Variants in TMC5 observed in about 807,000 individuals in gnomAD.
TMC5 encodes transmembrane channel like 5.
Under a neutral mutation model 110.5 loss-of-function variants are expected in TMC5, and 86 were observed. That is an observed-to-expected ratio of 0.78 (90% CI 0.65 to 0.93). TMC5 has a LOEUF of 0.93. Among genes scored for constraint, TMC5 ranks in the 40% least tolerant of loss-of-function variants. TMC5 has a pLI of 0.00. For missense variants in TMC5, 1,144 were observed against 1,222.8 expected, an observed-to-expected ratio of 0.94 and a Z score of 0.96; for synonymous variants, 455 against 439.5, an observed-to-expected ratio of 1.04 and a Z score of -0.44.
chr16:19,430,126 G>C (rs1967167184), intron 1 of TMC5, among the ~76,000 whole-genome samples: 1 of 152,216 alleles, frequency 6.6e-6, no homozygotes, highest in Non-Finnish European at 1.5e-5. Flanking sequence ...GAGGACACTG[G>C]AAAATTGGAT....
At chr16:19,447,754 A>G (rs1967646085) in intron 4 of TMC5, among the ~76,000 whole-genome samples, 1 of 151,970 alleles carries the variant, frequency 6.6e-6, no homozygotes, top group African/African-American at 2.4e-5. Context: ...GGGTTATGCC[A>G]TGTTGCCCAA....
intron 10 of TMC5, 71 bp downstream of exon 10, chr16:19,469,896 TTC>T (rs370575200): frequency 5.9e-6 from 9 of 1,519,988 alleles, no homozygotes; most frequent in Non-Finnish European, 6.2e-6. Flanking sequence ...CCTGTAACTT[TTC>T]TTTTTTTTTT....
chr16:19,468,705 G>A lies in TMC5; in HGVS notation c.1638-976G>A, dbSNP rs553499039. Among the ~76,000 whole-genome samples the A allele has an allele frequency of 3.9e-5, 6 of 152,316 alleles. No homozygotes were observed. The South Asian group carries it at 1.2e-3, about 32-fold the overall frequency. On this transcript the variant is annotated intron_variant, in intron 9 of 21. Transcript: ENST00000542583. The stretch of plus-strand genomic sequence containing the variant: ...TACCCTGCTGGCTTTGAAGTTGGAG[G>A]AGGTGGCCACAAGCCAAGGAAAGAG...
chr16:19,416,860 G>A (rs1189654956), upstream of TMC5, among the ~76,000 whole-genome samples: 2 of 152,130 alleles, frequency 1.3e-5, no homozygotes, highest in African/African-American at 2.4e-5. Flanking sequence ...TTGGCAGGCC[G>A]AGACAGGTGG....
chr16:19,464,442 C>A (rs974979796), intron 8 of TMC5, among the ~76,000 whole-genome samples: 1 of 152,100 alleles, frequency 6.6e-6, no homozygotes, highest in Non-Finnish European at 1.5e-5. Context: ...ATCAATCAAT[C>A]AATAAAGTGT....
rs370888069 is a variant in TMC5, at chr16:19,449,573, T to G, written c.990T>G (p.Pro330=). 67 of 1,614,202 alleles carry G rather than the reference T, an allele frequency of 4.2e-5. No homozygotes were observed. In the African/African-American group the frequency reaches 7.1e-4, roughly 17 times the overall value. Residue 330 remains proline, a synonymous_variant, in exon 5 of 22, where the codon CCT becomes CCG. Transcript: ENST00000542583. The stretch of plus-strand genomic sequence containing the variant: ...CTGCTTATGTAGGTGAAAGTGGTCC[T>G]GTCCATGCTTATGGAAACCCACCAT... The part of the protein sequence containing the change: ...VNPAYVGESG[P]VHAYGNPPLS...
Position 19,444,228 on chromosome 16 carries a change from A to G in TMC5, c.936A>G (p.Pro312=). The change falls in exon 4 of 22, where the codon CCA becomes CCG. Residue 312 remains proline, a synonymous_variant. Transcript: ENST00000542583. ...EMANSYGHSL[P]GAPGSGYVNP... is the part of the protein sequence containing the mutation. ...CAAACTCATATGGCCACTCTCTGCC[A>G]GGTGCTCCTGGAAGTGGCTATGGTA... 6.2e-7 allele frequency: 1 copy of G among 1,613,906 alleles called. No homozygotes were observed. The highest frequency in any genetic ancestry group is 8.5e-7 in the Non-Finnish European group (1 of 1,180,016).
chr16:19,441,791 T>C (rs1967496350), intron 3 of TMC5, among the ~76,000 whole-genome samples: 1 of 152,144 alleles, frequency 6.6e-6, no homozygotes, highest in African/African-American at 2.4e-5. Context: ...TTGTTTTTTA[T>C]TTATTTATTC....
At chr16:19,494,540 G>A (rs1440568917) in intron 20 of TMC5, among the ~76,000 whole-genome samples, 174 bp downstream of exon 20, 1 of 152,312 alleles carries the variant, frequency 6.6e-6, no homozygotes, top group East Asian at 1.9e-4. Context: ...CAGGTGCAGT[G>A]GCTCACGCCT....
intron 4 of TMC5, among the ~76,000 whole-genome samples, chr16:19,445,517 C>T (rs1204934073): frequency 2.0e-5 from 3 of 152,018 alleles, no homozygotes; most frequent in Non-Finnish European, 4.4e-5. Flanking sequence ...GCTGGGATTA[C>T]AGGCTTGAGC....
upstream of TMC5, among the ~76,000 whole-genome samples, chr16:19,414,857 G>A (rs1966868983): frequency 6.6e-6 from 1 of 152,018 alleles, no homozygotes; most frequent in Non-Finnish European, 1.5e-5. Flanking sequence ...ACCAGCCTAG[G>A]CAACATAGGG....
chr16:19,479,627 C>T lies in TMC5; in HGVS notation c.2267+99C>T, dbSNP rs1479179837. 7.2e-6 allele frequency: 6 copies of T among 829,522 alleles called. No individual in the cohort carries two copies. In the East Asian group the frequency reaches 7.3e-5, roughly 10 times the overall value. 51.4% of individuals were successfully genotyped at this position (829,522 alleles called of 1,614,324 possible). ...ATACAGGTGCCTGACATACTCAAAG[C>T]GTGCGTTGTTCCAAGTCTGCCTGTT... On this transcript the variant is annotated intron_variant, in intron 14 of 21. Coordinates refer to ENST00000542583, the MANE Select transcript of TMC5 (RefSeq NM_001261841.2).
At chr16:19,412,555 A>G (rs961035649) in intron 1 of TMC5, among the ~76,000 whole-genome samples, 5 of 151,644 alleles carry the variant, frequency 3.3e-5, no homozygotes, top group Non-Finnish European at 7.4e-5. Flanking sequence ...TTTAGTAGAG[A>G]TGGGCTTTCA....
intron 8 of TMC5, among the ~76,000 whole-genome samples, chr16:19,465,042 TCTTTCTTTCTTTCTTTTCCTTCCTTCC>T (rs1968135367): frequency 1.9e-5 from 2 of 105,818 alleles, no homozygotes; most frequent in African/African-American, 9.4e-5. Context: ...TTTCTTTCTT[TCTTTCTTTCTTTCTTTTCCTTCCTTCC>T]TTCCTTCCTT....
chr16:19,421,600 T>G (rs1329341015), intron 1 of TMC5, among the ~76,000 whole-genome samples: 1 of 152,326 alleles, frequency 6.6e-6, no homozygotes, highest in East Asian at 1.9e-4. Context: ...TACACTTGAT[T>G]ACTGGGATTT....
At chr16:19,497,033 G>A in intron 20 of TMC5, 88 bp from the exon 21 acceptor site, 2 of 1,297,214 alleles carry the variant, frequency 1.5e-6, no homozygotes, top group Non-Finnish European at 1.1e-6. Flanking sequence ...AAATGGTGAG[G>A]GGCTCACAAA....
At chr16:19,449,152 C>T (rs950327611) in intron 4 of TMC5, among the ~76,000 whole-genome samples, 2 of 152,026 alleles carry the variant, frequency 1.3e-5, no homozygotes, top group Admixed American at 1.3e-4. Flanking sequence ...TGCCCGGCCA[C>T]ATATACATAT....
At chr16:19,480,833 GA>G (rs1968601162) in intron 14 of TMC5, among the ~76,000 whole-genome samples, 1 of 142,960 alleles carries the variant, frequency 7.0e-6, no homozygotes, top group African/African-American at 2.5e-5. Flanking sequence ...AAAGTGAAAA[GA>G]TTTTTTTTTG....
At position 19,492,364 on chromosome 16, in the gene TMC5, A is replaced by G. The variant is rs1968929845; in HGVS notation, c.2826+136A>G. ...AGCCCTAACAACCATCAATGTTTTT[A>G]TATTCTTATTTCATCTACACTTTCT... On this transcript the variant is annotated intron_variant, in intron 19 of 21. Coordinates refer to ENST00000542583, the MANE Select transcript of TMC5 (RefSeq NM_001261841.2). The G allele has an allele frequency of 8.4e-6, 4 of 477,068 alleles. No individual in the cohort carries two copies. In the East Asian group the frequency reaches 1.3e-4, roughly 16 times the overall value. 29.6% of individuals were successfully genotyped at this position (477,068 alleles called of 1,614,324 possible). A position where few individuals can be genotyped will look rare whatever the true frequency, so the allele number is the denominator to read the frequency against.
Sources: allele counts gnomAD v4.1 joint callset (sites outside exome capture counted in the v4.1 genomes callset), GRCh38; gene constraint gnomAD v4.1.1; transcripts MANE v1.5; gene names NCBI Gene and HGNC (gene_info 2026-07-23, HGNC 2026-07-21).